Variants in EXOC6B observed in about 807,000 individuals in gnomAD.
EXOC6B encodes exocyst complex component 6B, also known as SEC15 homolog B.
In EXOC6B, 54 loss-of-function variants were observed where a neutral mutation model predicts 113.5. That is an observed-to-expected ratio of 0.48 (90% confidence interval 0.38 to 0.60). The LOEUF (loss-of-function observed/expected upper bound fraction) is 0.60, where lower values mean the gene tolerates loss of function less well. Ranked by LOEUF, EXOC6B falls within the 20% of genes least tolerant of loss-of-function variation. The pLI is 0.00. For synonymous variants in EXOC6B, 357 were observed against 339.0 expected, an observed-to-expected ratio of 1.05 and a Z score of -0.58; for missense variants, 797 against 977.5, an observed-to-expected ratio of 0.82 and a Z score of 2.46.
intron 6 of EXOC6B, among the ~76,000 whole-genome samples, chr2:72,643,996 T>TTCAAGCTAAAGAAGGATGTTCAAACCCA (rs1291588678): frequency 2.0e-5 from 3 of 151,852 alleles, no homozygotes; most frequent in African/African-American, 7.3e-5. Context: ...AATAACAAAC[T>TTCAAGCTAAAGAAGGATGTTCAAACCCA]TCAAGCTAAA....
At position 72,290,991 on chromosome 2, in the gene EXOC6B, A is replaced by AT. The variant is rs531102202; in HGVS notation, c.2196+43955dup. ...TTTCTTTAGTTTGCTTCTTTATCATATATCATTAAAGAATGACATTATCTT... is the reference window on the plus strand; with the variant it reads ...TTTCTTTAGTTTGCTTCTTTATCATATTATCATTAAAGAATGACATTATCTT... On this transcript the variant is annotated intron_variant, in intron 20 of 21. Transcript: ENST00000272427. Among the ~76,000 whole-genome samples, 15 of 152,310 alleles carry AT rather than the reference A, an allele frequency of 9.8e-5. No homozygotes were observed. The South Asian group carries it at 3.1e-3, about 32-fold the overall frequency.
chr2:72,392,192 G>T (rs1692428003), intron 18 of EXOC6B, among the ~76,000 whole-genome samples: 1 of 152,132 alleles, frequency 6.6e-6, no homozygotes, highest in Non-Finnish European at 1.5e-5. Flanking sequence ...ATTTTCAGCT[G>T]GGCATGCATT....
intron 20 of EXOC6B, among the ~76,000 whole-genome samples, chr2:72,202,822 A>G (rs1010123267): frequency 6.6e-6 from 1 of 152,022 alleles, no homozygotes; most frequent in Non-Finnish European, 1.5e-5. Flanking sequence ...ATATTCCCCA[A>G]ACTTTCCCAC....
chr2:72,185,665 G>A (rs2104237187), intron 20 of EXOC6B, among the ~76,000 whole-genome samples: 1 of 151,766 alleles, frequency 6.6e-6, no homozygotes, highest in South Asian at 2.1e-4. Flanking sequence ...TCCTTCTGTT[G>A]ACCCAAGGCC....
rs1355382724 is a variant in EXOC6B, at chr2:72,178,289, G to A, written c.*1046C>T. On this transcript the variant is annotated 3_prime_UTR_variant, in exon 22 of 22. Transcript: ENST00000272427. ...GCTGCCCCCACAGTGCAGAGCTGGT[G>A]ACATTTCCTTAAAGATGATAACCAA... 6.6e-6 allele frequency: 1 copy of A among 152,228 alleles called. No individual in the cohort carries two copies. The highest frequency in any genetic ancestry group is 1.5e-5 in the Non-Finnish European group (1 of 68,054). The allele number at this position is 152,228 out of a possible 1,614,324, so 9.4% of individuals were successfully genotyped here.
At chr2:72,566,017 T>G (rs180768277) in intron 7 of EXOC6B, among the ~76,000 whole-genome samples, 88 of 152,242 alleles carry the variant, frequency 5.8e-4, no homozygotes, top group Admixed American at 4.1e-3. Flanking sequence ...GTTTTGTTTT[T>G]TTTTTTAAGT....
At chr2:72,658,383 T>C (rs1343239621) in intron 6 of EXOC6B, among the ~76,000 whole-genome samples, 2 of 151,716 alleles carry the variant, frequency 1.3e-5, no homozygotes, top group Admixed American at 6.6e-5. Context: ...AATACTTTTC[T>C]TAATGTTAAG....
At chr2:72,784,201 T>C (rs1437541611) in intron 1 of EXOC6B, among the ~76,000 whole-genome samples, 1 of 152,178 alleles carries the variant, frequency 6.6e-6, no homozygotes, top group African/African-American at 2.4e-5. Context: ...CATTGGTCTA[T>C]GTGTCTATTT....
At chr2:72,205,901 G>A (rs1300955481) in intron 20 of EXOC6B, among the ~76,000 whole-genome samples, 1 of 152,206 alleles carries the variant, frequency 6.6e-6, no homozygotes, top group Non-Finnish European at 1.5e-5. Flanking sequence ...TTGCGTGGGA[G>A]TTCTGAAGTC....
chr2:72,393,183 C>G (rs1230542741), intron 18 of EXOC6B, among the ~76,000 whole-genome samples: 3 of 151,872 alleles, frequency 2.0e-5, no homozygotes, highest in Non-Finnish European at 4.4e-5. Context: ...CAGCCTCTAC[C>G]TCCCAGTTCA....
chr2:72,379,416 T>C (rs1691547975), intron 19 of EXOC6B, among the ~76,000 whole-genome samples: 1 of 152,236 alleles, frequency 6.6e-6, no homozygotes, highest in Admixed American at 6.5e-5. Context: ...CTGCATTCTT[T>C]TGAAGCCTTT....
chr2:72,771,691 G>C (rs574879118), intron 1 of EXOC6B, among the ~76,000 whole-genome samples: 6 of 152,214 alleles, frequency 3.9e-5, no homozygotes, highest in African/African-American at 1.2e-4. Context: ...AAATTACTGA[G>C]AGCCTGGATG....
chr2:72,793,379 T>C (rs932393701), intron 1 of EXOC6B, among the ~76,000 whole-genome samples: 1 of 152,214 alleles, frequency 6.6e-6, no homozygotes, highest in Non-Finnish European at 1.5e-5. Flanking sequence ...AGAGTAACTT[T>C]ACAAAATAAA....
chr2:72,204,063 G>A (rs1679673268), intron 20 of EXOC6B, among the ~76,000 whole-genome samples: 1 of 152,032 alleles, frequency 6.6e-6, no homozygotes, highest in African/African-American at 2.4e-5. Context: ...TACCAGCAAA[G>A]TCCCTGTCCT....
chr2:72,603,743 T>C (rs1670579924), intron 6 of EXOC6B, among the ~76,000 whole-genome samples: 1 of 152,194 alleles, frequency 6.6e-6, no homozygotes, highest in Admixed American at 6.5e-5. Context: ...CTGTCAATAC[T>C]GAAGCAATGC....
chr2:72,783,957 C>G (rs1401501683), intron 1 of EXOC6B, among the ~76,000 whole-genome samples: 9 of 152,046 alleles, frequency 5.9e-5, no homozygotes, highest in Non-Finnish European at 1.3e-4. Context: ...TGTTTTCTTC[C>G]AGTTGCTTTA....
At chr2:72,804,170 A>G (rs532556134) in intron 1 of EXOC6B, among the ~76,000 whole-genome samples, 2 of 152,332 alleles carry the variant, frequency 1.3e-5, no homozygotes, top group Non-Finnish European at 2.9e-5. Flanking sequence ...TACTGCTTTC[A>G]CTAGTGATTC....
Position 72,504,635 on chromosome 2 carries a change from C to T in EXOC6B, c.1168-4663G>A, listed in dbSNP as rs567233624. Reference sequence around the variant, plus strand: ...GCATGTTTATTATGGTGTATTATGGCAAATTACTGAAGAGAATATAGTTAG... The same window carrying T: ...GCATGTTTATTATGGTGTATTATGGTAAATTACTGAAGAGAATATAGTTAG... On this transcript the variant is annotated intron_variant, in intron 11 of 21. Coordinates refer to ENST00000272427, the MANE Select transcript of EXOC6B (RefSeq NM_015189.3). Among the ~76,000 whole-genome samples, 55 of 152,202 alleles carry T rather than the reference C, an allele frequency of 3.6e-4. No homozygotes were observed. In the South Asian group the frequency reaches 5.8e-3, roughly 16 times the overall value.
chr2:72,253,612 C>T (rs1683161504), intron 20 of EXOC6B, among the ~76,000 whole-genome samples: 1 of 152,168 alleles, frequency 6.6e-6, no homozygotes, highest in African/African-American at 2.4e-5. Flanking sequence ...CCAAACACCG[C>T]ATGTTCTCAT....
Sources: gnomAD v4.1 joint callset for allele counts (sites outside exome capture counted in the v4.1 genomes callset) on GRCh38, gnomAD v4.1.1 for gene constraint, MANE v1.5 for transcripts, NCBI Gene and HGNC (gene_info 2026-07-23, HGNC 2026-07-21) for gene names.